The following LTBP2 variants were observed in gnomAD, a reference collection of about 807,000 sequenced individuals.
The protein encoded by LTBP2 is latent transforming growth factor beta binding protein 2.
In LTBP2, 103 loss-of-function variants were observed where a neutral mutation model predicts 210.6. That is an observed-to-expected ratio of 0.49 (90% confidence interval 0.42 to 0.58). The LOEUF (loss-of-function observed/expected upper bound fraction) is 0.58, where lower values mean the gene tolerates loss of function less well. Ranked by LOEUF, LTBP2 falls within the 20% of genes least tolerant of loss-of-function variation. LTBP2 has a pLI of 0.00. For synonymous variants in LTBP2, 1,007 were observed against 1,015.0 expected, an observed-to-expected ratio of 0.99 and a Z score of 0.15; for missense variants, 2,313 against 2,494.5, an observed-to-expected ratio of 0.93 and a Z score of 1.55.
At chr14:74,532,371 G>C in intron 10 of LTBP2, 55 bp downstream of exon 10, 1 of 1,608,416 alleles carries the variant, frequency 6.2e-7, no homozygotes, top group Non-Finnish European at 8.5e-7. Context: ...TGGACCTGAA[G>C]TGTCCCATCT....
intron 4 of LTBP2, among the ~76,000 whole-genome samples, chr14:74,554,420 G>C (rs1176439693): frequency 6.6e-6 from 1 of 152,080 alleles, no homozygotes; most frequent in Admixed American, 6.6e-5. Context: ...GATCACTTGA[G>C]CTCAGGAGTT....
chr14:74,510,313 G>T, intron 19 of LTBP2, 100 bp from the exon 20 acceptor site: 1 of 1,560,576 alleles, frequency 6.4e-7, no homozygotes, highest in Non-Finnish European at 8.7e-7. Context: ...CAGGGAACCA[G>T]CCTTCAGAGG....
At chr14:74,543,407 C>T (rs568016079) in intron 8 of LTBP2, among the ~76,000 whole-genome samples, 5 of 147,380 alleles carry the variant, frequency 3.4e-5, no homozygotes, top group Admixed American at 6.8e-5. Flanking sequence ...ACAGTGAGGA[C>T]GAAGACTCAG....
At chr14:74,507,938 GGCAGA>G (rs1566614925) in intron 25 of LTBP2, 30 bp downstream of exon 25, 2 of 1,611,336 alleles carry the variant, frequency 1.2e-6, no homozygotes, top group Non-Finnish European at 8.5e-7. Context: ...GGCAGATGTG[GGCAGA>G]GCCCTGTGCC....
chr14:74,604,164 C>CAAAAAAAAAAAAAAAAAAAAAAAAAAAA (rs59313477), intron 1 of LTBP2, among the ~76,000 whole-genome samples: 16 of 72,724 alleles, frequency 2.2e-4, no homozygotes, highest in African/African-American at 9.7e-4. Flanking sequence ...TGCCTCTCAC[C>CAAAAAAAAAAAAAAAAAAAAAAAAAAAA]AAAAAAAAAA....
At chr14:74,535,856 ACC>A in intron 9 of LTBP2, 68 bp downstream of exon 9, 1 of 1,386,870 alleles carries the variant, frequency 7.2e-7, no homozygotes, top group South Asian at 1.2e-5. Context: ...AGTGACAGAC[ACC>A]CCTCCTGTCT....
In LTBP2 at chr14:74,510,149, G is replaced by A. The variant is rs45473602; in HGVS notation, c.3093C>T (p.Ser1031=). 29,020 of 1,614,128 alleles carry A rather than the reference G, an allele frequency of 0.018. 413 individuals are homozygous for A. The highest frequency in any genetic ancestry group is 0.048 in the Middle Eastern group (293 of 6,062). The change falls in exon 20 of 36, where the codon TCC becomes TCT. Residue 1031 remains serine, a synonymous_variant. Transcript: ENST00000261978. ...AHGKCTNLEG[S]FRCSCEQGYE... The stretch of plus-strand genomic sequence containing the variant: ...AGCCCTGCTCACAAGAGCATCTGAA[G>A]GAGCCTTCTAGGTTGGTGCACTTTC...
chr14:74,597,042 G>A (rs2088375961), intron 2 of LTBP2, among the ~76,000 whole-genome samples: 1 of 152,170 alleles, frequency 6.6e-6, no homozygotes, highest in African/African-American at 2.4e-5. Context: ...AGATTGTTCC[G>A]GGAGCAATGC....
chr14:74,536,495 A>C (rs1467270721), intron 8 of LTBP2, among the ~76,000 whole-genome samples: 1 of 152,232 alleles, frequency 6.6e-6, no homozygotes, highest in Non-Finnish European at 1.5e-5. Flanking sequence ...TAAATATATG[A>C]GGTAATACAC....
At chr14:74,573,630 G>A (rs958428279) in intron 3 of LTBP2, among the ~76,000 whole-genome samples, 3 of 152,184 alleles carry the variant, frequency 2.0e-5, no homozygotes, top group African/African-American at 7.2e-5. Context: ...GACCTGGAGG[G>A]TAAGAGCTTG....
rs2087680379 is a variant in LTBP2 at position 74,552,958 on chromosome 14, C to T, written c.1126G>A (p.Gly376Ser). The change falls in exon 5 of 36, where the codon GGC becomes AGC. Residue 376 changes from glycine (G) to serine (S), a missense_variant. By Grantham distance (56) the Gly-to-Ser change is moderately conservative. This residue lies in a region of LTBP2 where 1,867 missense variants were observed against 1,976.9 expected (regional missense o/e 0.94). Transcript: ENST00000261978. ...RGHCANSCERGDTTTLYSQGG... is the reference protein window; with the variant it reads ...RGHCANSCERSDTTTLYSQGG... ...TGGCTGTACAGGGTGGTGGTGTCGC[C>T]CCTCTCACAGCTGTTGGCACAGTGT... 2 of 1,613,966 alleles carry T rather than the reference C, an allele frequency of 1.2e-6. No homozygotes were observed. Among genetic ancestry groups the T allele is most frequent in the Admixed American group, 1.7e-5 (1 of 59,986 alleles).
chr14:74,592,554 T>C (rs2088297134), intron 2 of LTBP2, among the ~76,000 whole-genome samples: 1 of 152,066 alleles, frequency 6.6e-6, no homozygotes, highest in Admixed American at 6.5e-5. Context: ...AAAAATTAGC[T>C]GGGTGTGATG....
Position 74,532,439 on chromosome 14 carries a change from C to G in LTBP2, c.1974G>C (p.Arg658=). The G allele has an allele frequency of 6.2e-7, 1 of 1,614,160 alleles. No homozygotes were observed. Among genetic ancestry groups the G allele is most frequent in the Non-Finnish European group, 8.5e-7 (1 of 1,180,030 alleles). The change falls in exon 10 of 36, where the codon CGG becomes CGC. Residue 658 remains arginine (R), a synonymous_variant. Transcript: ENST00000261978. ...GCCAGCACTCACACACACAGCGGCT[C>G]CGCGATGGATCCAGCATGAGGCCAG... The part of the protein sequence containing the change: ...CRPGLMLDPS[R]SRCVSDKAIS...
intron 2 of LTBP2, among the ~76,000 whole-genome samples, chr14:74,588,507 C>T (rs983162695): frequency 6.6e-6 from 1 of 152,122 alleles, no homozygotes; most frequent in Non-Finnish European, 1.5e-5. Flanking sequence ...AGGTGTGAGC[C>T]GCCGCACGAG....
chr14:74,594,650 TCA>T (rs1321573715), intron 2 of LTBP2, among the ~76,000 whole-genome samples: 1 of 152,172 alleles, frequency 6.6e-6, no homozygotes, highest in Non-Finnish European at 1.5e-5. Flanking sequence ...CCTGGAGACC[TCA>T]GTTTGTCCCT....
At chr14:74,537,310 A>G (rs1046725812) in intron 8 of LTBP2, among the ~76,000 whole-genome samples, 2 of 152,270 alleles carry the variant, frequency 1.3e-5, no homozygotes, top group African/African-American at 4.8e-5. Context: ...AGGAAAAGGC[A>G]GGGGAATACT....
At chr14:74,542,133 T>C (rs2087515543) in intron 8 of LTBP2, among the ~76,000 whole-genome samples, 1 of 152,170 alleles carries the variant, frequency 6.6e-6, no homozygotes, top group Non-Finnish European at 1.5e-5. Flanking sequence ...GGAGTTCACA[T>C]CACAAATGCC....
rs755647932 is a variant in LTBP2, at chr14:74,552,361, G to A, written c.1225C>T (p.Arg409Cys). ...FCQIPCLNGG[R>C]CIGRDECWCP... ...CAGCATTCGTCCCTGCCGATGCAGC[G>A]GCCTCCGTTCAGGCAGGGGATCTGG... is the stretch of plus-strand genomic sequence containing the variant. The change falls in exon 6 of 36, where the codon CGC becomes TGC. Residue 409 changes from arginine (R) to cysteine (C), a missense_variant. Transcript: ENST00000261978. 2.7e-5 allele frequency: 44 copies of A among 1,610,610 alleles called. No individual in the cohort carries two copies. Among genetic ancestry groups the A allele is most frequent in the African/African-American group, 5.3e-5 (4 of 74,918 alleles).
At chr14:74,519,186 A>G (rs1291912412) in intron 17 of LTBP2, among the ~76,000 whole-genome samples, 1 of 152,238 alleles carries the variant, frequency 6.6e-6, no homozygotes, top group Non-Finnish European at 1.5e-5. Context: ...ACACAAAAAT[A>G]AGGCAAAATG....
Sources: allele counts gnomAD v4.1 joint callset (sites outside exome capture counted in the v4.1 genomes callset), GRCh38; gene constraint gnomAD v4.1.1; regional missense constraint gnomAD v4.1.1; transcripts MANE v1.5; gene names NCBI Gene and HGNC (gene_info 2026-07-23, HGNC 2026-07-21).